The following KIF26B variants were observed in gnomAD, a reference collection of about 807,000 sequenced individuals.
KIF26B encodes kinesin-like protein KIF26B.
Under a neutral mutation model 151.2 loss-of-function variants are expected in KIF26B, and 63 were observed. That is an observed-to-expected ratio of 0.42 (90% CI 0.34 to 0.51). The LOEUF (loss-of-function observed/expected upper bound fraction) is 0.51, where lower values mean the gene tolerates loss of function less well. Among genes scored for constraint, KIF26B ranks in the 20% least tolerant of loss-of-function variants. The pLI, the probability that KIF26B is intolerant of heterozygous loss-of-function variation, is 0.07. For missense variants in KIF26B, 2,813 were observed against 2,913.6 expected, an observed-to-expected ratio of 0.97 and a Z score of 0.79; for synonymous variants, 1,357 against 1,262.1, an observed-to-expected ratio of 1.08 and a Z score of -1.59.
chr1:245,155,941 T>C (rs1668422450), intron 1 of KIF26B, among the ~76,000 whole-genome samples: 1 of 151,584 alleles, frequency 6.6e-6, no homozygotes, highest in Non-Finnish European at 1.5e-5. Context: ...GTTCCCGGGA[T>C]CTTGCTGGGA....
At chr1:245,561,800 G>A (rs1465677277) in intron 5 of KIF26B, among the ~76,000 whole-genome samples, 1 of 152,166 alleles carries the variant, frequency 6.6e-6, no homozygotes. Flanking sequence ...CTACGTCTGT[G>A]CACATCTTAA....
intron 2 of KIF26B, among the ~76,000 whole-genome samples, chr1:245,359,550 A>G (rs1237693358): frequency 6.6e-6 from 1 of 152,174 alleles, no homozygotes; most frequent in African/African-American, 2.4e-5. Context: ...CATCTTTTAA[A>G]ATAGAGAAGG....
intron 8 of KIF26B, among the ~76,000 whole-genome samples, chr1:245,609,932 C>T (rs753492336): frequency 2.2e-4 from 34 of 152,176 alleles, no homozygotes; most frequent in African/African-American, 4.8e-4. Flanking sequence ...GGTTTACAGC[C>T]GGATTAGCAG....
At chr1:245,662,200 G>T (rs1278264259) in intron 10 of KIF26B, among the ~76,000 whole-genome samples, 6 of 145,496 alleles carry the variant, frequency 4.1e-5, no homozygotes, top group Middle Eastern at 4.5e-3. Context: ...TATACCCAAT[G>T]ATATATATAA....
intron 4 of KIF26B, among the ~76,000 whole-genome samples, chr1:245,465,093 C>G (rs1165180220): frequency 6.7e-6 from 1 of 148,888 alleles, no homozygotes; most frequent in African/African-American, 2.5e-5. Flanking sequence ...ATTCTCCTGC[C>G]TCAGCCTCCC....
chr1:245,665,161 A>T (rs1458263179), intron 10 of KIF26B, among the ~76,000 whole-genome samples: 1 of 152,198 alleles, frequency 6.6e-6, no homozygotes, highest in Non-Finnish European at 1.5e-5. Context: ...AGCTCTTGTC[A>T]TCTATATTTC....
intron 4 of KIF26B, among the ~76,000 whole-genome samples, chr1:245,538,840 G>A (rs1156844533): frequency 6.6e-6 from 1 of 152,160 alleles, no homozygotes; most frequent in African/African-American, 2.4e-5. Flanking sequence ...GAGCAGAGGT[G>A]TGTGCGGGTG....
At chr1:245,345,681 A>AAT (rs1672438743) in intron 2 of KIF26B, among the ~76,000 whole-genome samples, 1 of 151,928 alleles carries the variant, frequency 6.6e-6, no homozygotes, top group Non-Finnish European at 1.5e-5. Flanking sequence ...TTCTCGTGAT[A>AAT]GTGAGTGAGT....
rs760282410 is a variant in KIF26B at position 245,602,666 on chromosome 1, G to A, written c.1440G>A (p.Gln480=). 16 of 1,614,068 alleles carry A rather than the reference G, an allele frequency of 9.9e-6. No homozygotes were observed. The South Asian group carries it at 1.5e-4, about 16-fold the overall frequency. The change falls in exon 6 of 15, where the codon CAG becomes CAA. Residue 480 remains glutamine (Q), a synonymous_variant. Transcript: ENST00000407071. This position sits in a 1 kb window ranked among gnomAD's most constrained non-coding sequence, Gnocchi z 4.5. ...SFLKVDPRKK[Q]ITLYDPLTCG... is the part of the protein sequence containing the mutation. ...TAAAGGTGGACCCACGGAAGAAGCA[G>A]ATCACCTTGTACGATCCCCTGACTT...
At chr1:245,373,912 C>T (rs1265577796) in intron 3 of KIF26B, among the ~76,000 whole-genome samples, 1 of 149,872 alleles carries the variant, frequency 6.7e-6, no homozygotes, top group Non-Finnish European at 1.5e-5. Flanking sequence ...AATAAAAAAT[C>T]AGCCAGGCGT....
chr1:245,338,503 T>C (rs1297740397), intron 2 of KIF26B, among the ~76,000 whole-genome samples: 1 of 152,228 alleles, frequency 6.6e-6, no homozygotes, highest in Non-Finnish European at 1.5e-5. Flanking sequence ...CTCTTGAATG[T>C]TGGTTTGTGC....
intron 2 of KIF26B, among the ~76,000 whole-genome samples, chr1:245,248,517 A>C (rs933890864): frequency 1.3e-5 from 2 of 152,178 alleles, no homozygotes; most frequent in African/African-American, 4.8e-5. Flanking sequence ...CAAATCCACT[A>C]ACTATTAATC....
At chr1:245,374,080 AAAAAAAAAAAAAAAATATATATATATAT>A (rs1673197888) in intron 3 of KIF26B, among the ~76,000 whole-genome samples, 1 of 32,730 alleles carries the variant, frequency 3.1e-5, no homozygotes, top group Non-Finnish European at 5.2e-5. Context: ...AAAAAAAAAA[AAAAAAAAAAAAAAAATATATATATATAT>A]ATATATATAT....
intron 2 of KIF26B, among the ~76,000 whole-genome samples, chr1:245,202,516 T>G (rs1035850832): frequency 6.6e-6 from 1 of 152,080 alleles, no homozygotes; most frequent in Non-Finnish European, 1.5e-5. Flanking sequence ...CCCAGCACTT[T>G]GGGGGGCCAA....
At chr1:245,378,736 T>A (rs1673333999) in intron 3 of KIF26B, among the ~76,000 whole-genome samples, 1 of 152,146 alleles carries the variant, frequency 6.6e-6, no homozygotes, top group Non-Finnish European at 1.5e-5. Flanking sequence ...CATCAATGAT[T>A]TTATCCAAAT....
chr1:245,543,756 T>C (rs1172757815), intron 5 of KIF26B, among the ~76,000 whole-genome samples: 3 of 152,172 alleles, frequency 2.0e-5, no homozygotes, highest in Non-Finnish European at 1.5e-5. Flanking sequence ...GAGACCAGCC[T>C]GACCAACATG....
At chr1:245,182,928 G>A (rs1018957098) in intron 2 of KIF26B, among the ~76,000 whole-genome samples, 2 of 152,182 alleles carry the variant, frequency 1.3e-5, no homozygotes, top group African/African-American at 2.4e-5. Context: ...GAGCCACCAC[G>A]CCCGGCCCCA....
intron 2 of KIF26B, among the ~76,000 whole-genome samples, chr1:245,210,312 G>A (rs6686995): frequency 0.1 from 15,417 of 152,252 alleles, 833 homozygotes; most frequent in East Asian, 0.25. Flanking sequence ...CCAACCAGCC[G>A]GGGCAGCTGC....
chr1:245,370,589 T>C (rs1167728502), intron 3 of KIF26B: 1 of 456,702 alleles, frequency 2.2e-6, no homozygotes, highest in South Asian at 1.5e-5. Context: ...TCCGAAGCTC[T>C]TGTCACACGT....
Sources: gnomAD v4.1 joint callset for allele counts (sites outside exome capture counted in the v4.1 genomes callset) on GRCh38, gnomAD v4.1.1 for gene constraint, Gnocchi (gnomAD v3.1) non-coding constraint, MANE v1.5 for transcripts, NCBI Gene and HGNC (gene_info 2026-07-23, HGNC 2026-07-21) for gene names.